AHCYL2: variants seen among roughly 807,000 people sequenced by gnomAD.
AHCYL2 encodes adenosylhomocysteinase like 2.
Under a neutral mutation model 81.4 loss-of-function variants are expected in AHCYL2, and 28 were observed. That is an observed-to-expected ratio of 0.34 (90% CI 0.25 to 0.47). The LOEUF is 0.47. AHCYL2 is among the 20% of genes least tolerant of loss of function. The pLI is 1.00. For synonymous variants in AHCYL2, 272 were observed against 290.2 expected (o/e 0.94, Z 0.64); for missense variants, 551 against 785.1 (o/e 0.70, Z 3.56).
At chr7:129,405,274 G>A (rs1584891210) in intron 8 of AHCYL2, 61 bp downstream of exon 8, 1 of 1,334,448 alleles carries the variant, frequency 7.5e-7, no homozygotes, top group East Asian at 2.6e-5. Flanking sequence ...AAGTTTTTTG[G>A]CTTTGGTTAT....
At chr7:129,396,413 C>A (rs1795744959) in intron 4 of AHCYL2, among the ~76,000 whole-genome samples, 1 of 151,804 alleles carries the variant, frequency 6.6e-6, no homozygotes, top group South Asian at 2.1e-4. Flanking sequence ...GCGTGAGCCA[C>A]CGCGCCCCGC....
chr7:129,341,754 T>C (rs999397959), intron 1 of AHCYL2, among the ~76,000 whole-genome samples: 1 of 152,154 alleles, frequency 6.6e-6, no homozygotes, highest in Non-Finnish European at 1.5e-5. Flanking sequence ...GTCGAATGCC[T>C]GTGAATTTCG....
chr7:129,428,762 T>C lies in AHCYL2; in HGVS notation c.*1717T>C, dbSNP rs1355333675. 6.6e-6 allele frequency: 1 copy of C among 152,228 alleles called. No individual in the cohort carries two copies. Among genetic ancestry groups the C allele is most frequent in the Non-Finnish European group, 1.5e-5 (1 of 68,044 alleles). 9.4% of individuals were successfully genotyped at this position (152,228 alleles called of 1,614,324 possible). A position where few individuals can be genotyped will look rare whatever the true frequency, so the allele number is the denominator to read the frequency against. ...AGTAGGGAAGTGGAACTTTGGTAAA[T>C]GACTGTTTGCCTCATTTAATAGTAT... On this transcript the variant is annotated 3_prime_UTR_variant, in exon 17 of 17. Transcript: ENST00000325006.
At chr7:129,396,956 C>G (rs1017302134) in intron 4 of AHCYL2, among the ~76,000 whole-genome samples, 2 of 152,180 alleles carry the variant, frequency 1.3e-5, no homozygotes, top group Non-Finnish European at 2.9e-5. Flanking sequence ...AGTTTTGGCT[C>G]TGAAGTCCTT....
intron 1 of AHCYL2, among the ~76,000 whole-genome samples, chr7:129,365,375 G>A (rs568581536): frequency 7.9e-5 from 12 of 152,188 alleles, no homozygotes; most frequent in African/African-American, 2.6e-4. Flanking sequence ...ACATAATTAA[G>A]AGCTACCATT....
intron 1 of AHCYL2, among the ~76,000 whole-genome samples, chr7:129,313,712 A>G (rs1797738079): frequency 6.6e-6 from 1 of 152,208 alleles, no homozygotes; most frequent in African/African-American, 2.4e-5. Flanking sequence ...AGACACAATG[A>G]AAAAAATAGA....
At position 129,425,102 on chromosome 7, in the gene AHCYL2, C is replaced by A; in HGVS notation, c.1669C>A (p.Arg557Ser). 6.2e-7 allele frequency: 1 copy of A among 1,613,558 alleles called. No homozygotes were observed. Among genetic ancestry groups the A allele is most frequent in the Middle Eastern group, 1.7e-4 (1 of 5,828 alleles). The stretch of plus-strand genomic sequence containing the variant: ...AGAGCTTTACAATGCTCCTGAGGGT[C>A]GCTATAAGCAGGATGTCTACCTGTT... Reference protein sequence around the residue: ...LIELYNAPEGRYKQDVYLLPK... With the variant: ...LIELYNAPEGSYKQDVYLLPK... The change falls in exon 15 of 17, where the codon CGC becomes AGC. Residue 557 changes from arginine to serine, a missense_variant. Physicochemically the swap from Arg to Ser is moderately radical, Grantham distance 110 (BLOSUM62 -1). This residue lies in a region of AHCYL2 where 316 missense variants were observed against 543.1 expected (regional missense o/e 0.58). Transcript: ENST00000325006.
intron 1 of AHCYL2, among the ~76,000 whole-genome samples, chr7:129,231,615 T>A (rs1045007422): frequency 7.9e-5 from 12 of 152,218 alleles, no homozygotes; most frequent in Non-Finnish European, 5.9e-5. Flanking sequence ...CTGTCATGTT[T>A]AGGTGGTAGA....
At chr7:129,230,079 CTT>C (rs35056717) in intron 1 of AHCYL2, among the ~76,000 whole-genome samples, 4 of 109,426 alleles carry the variant, frequency 3.7e-5, no homozygotes, top group Non-Finnish European at 5.6e-5. Context: ...TTATTTAATT[CTT>C]TTTTTTTTTT....
intron 1 of AHCYL2, among the ~76,000 whole-genome samples, chr7:129,328,515 C>G (rs572854216): frequency 6.0e-4 from 90 of 148,814 alleles, no homozygotes; most frequent in South Asian, 1.1e-3. Context: ...GACAGGGTCT[C>G]ACTCTGTTGC....
intron 1 of AHCYL2, among the ~76,000 whole-genome samples, chr7:129,276,702 T>A (rs181456017): frequency 9.7e-4 from 131 of 134,608 alleles, no homozygotes; most frequent in African/African-American, 3.5e-3. Flanking sequence ...TAAGTTGAGA[T>A]CATGCCACTG....
intron 1 of AHCYL2, among the ~76,000 whole-genome samples, chr7:129,342,398 A>C (rs1374382912): frequency 6.6e-6 from 1 of 152,182 alleles, no homozygotes. Context: ...GTAGGGAGGT[A>C]GTTTGAAGGA....
rs1584916152 is a variant in AHCYL2, at chr7:129,424,756, TTCC to T, written c.1561-117_1561-115del. On this transcript the variant is annotated intron_variant, in intron 13 of 16. Transcript: ENST00000325006. ...CTTATATATTGAATAGCTGCTTTTT[TTCC>T]AGCAGTGTTAGTCAGGAAGTGTTTG... 1.0e-5 allele frequency: 11 copies of T among 1,051,044 alleles called. No homozygotes were observed. The East Asian group carries it at 2.6e-4, about 25-fold the overall frequency. The allele number at this position is 1,051,044 out of a possible 1,614,324, so 65.1% of individuals were successfully genotyped here.
At chr7:129,256,726 T>C (rs977464538) in intron 1 of AHCYL2, among the ~76,000 whole-genome samples, 4 of 152,106 alleles carry the variant, frequency 2.6e-5, no homozygotes, top group African/African-American at 9.7e-5. Context: ...TTTGGGTATA[T>C]CTGTTGAACA....
At position 129,245,951 on chromosome 7, in the gene AHCYL2, G is replaced by A. The variant is rs77600631; in HGVS notation, c.363+20512G>A. Among the ~76,000 whole-genome samples, 1,011 of 152,084 alleles carry A rather than the reference G, an allele frequency of 6.6e-3. 11 individuals carry two copies. The highest frequency in any genetic ancestry group is 0.023 in the African/African-American group (969 of 41,476). ...TACCGTTTTCCATAGCAACTGCACT[G>A]TTTTACATTTCTATCATCAGTGTAC... On this transcript the variant is annotated intron_variant, in intron 1 of 16. Coordinates refer to ENST00000325006, the MANE Select transcript of AHCYL2 (RefSeq NM_015328.4).
intron 4 of AHCYL2, among the ~76,000 whole-genome samples, chr7:129,394,399 T>A (rs960323593): frequency 1.3e-5 from 2 of 151,810 alleles, no homozygotes; most frequent in South Asian, 4.2e-4. Context: ...TTGAAGGAAC[T>A]TTTAATCTGA....
At chr7:129,225,892 A>G (rs1388606661) in intron 1 of AHCYL2, among the ~76,000 whole-genome samples, 2 of 152,194 alleles carry the variant, frequency 1.3e-5, no homozygotes, top group African/African-American at 4.8e-5. Flanking sequence ...TTGCATAGAA[A>G]TCGTCAGAGT....
At chr7:129,338,196 T>C (rs1793025803) in intron 1 of AHCYL2, among the ~76,000 whole-genome samples, 1 of 152,002 alleles carries the variant, frequency 6.6e-6, no homozygotes, top group Non-Finnish European at 1.5e-5. Context: ...AGGGTCTTGC[T>C]CTGTCACTCA....
At chr7:129,317,593 G>A (rs1419216925) in intron 1 of AHCYL2, among the ~76,000 whole-genome samples, 1 of 152,128 alleles carries the variant, frequency 6.6e-6, no homozygotes, top group Non-Finnish European at 1.5e-5. Flanking sequence ...ATCCCGTATG[G>A]GGCAGGTGGG....
Sources: allele counts gnomAD v4.1 joint callset (sites outside exome capture counted in the v4.1 genomes callset), GRCh38; gene constraint gnomAD v4.1.1; regional missense constraint gnomAD v4.1.1; transcripts MANE v1.5; gene names NCBI Gene and HGNC (gene_info 2026-07-23, HGNC 2026-07-21).